CELF2: variants seen among roughly 807,000 people sequenced by gnomAD.
CELF2 encodes CUGBP Elav-like family member 2, also known as CUG triplet repeat RNA-binding protein 2.
Under a neutral mutation model 62.6 loss-of-function variants are expected in CELF2, and 8 were observed. The observed-to-expected ratio is 0.13, with a 90% CI of 0.07 to 0.23. The LOEUF (loss-of-function observed/expected upper bound fraction) is 0.23, where lower values mean the gene tolerates loss of function less well. CELF2 is among the 10% of genes least tolerant of loss of function. The pLI is 1.00. For missense variants in CELF2, 333 were observed against 671.0 expected (o/e 0.50, Z 5.56); for synonymous variants, 258 against 250.0 (o/e 1.03, Z -0.30).
intron 1 of CELF2, among the ~76,000 whole-genome samples, chr10:11,116,098 C>T (rs917990562): frequency 6.6e-6 from 1 of 152,176 alleles, no homozygotes; most frequent in Admixed American, 6.5e-5. Context: ...TTCGTAATTT[C>T]TCGATAAAAT....
At chr10:10,552,890 G>C in the CELF2 span, among the ~76,000 whole-genome samples, 1 of 152,194 alleles carries the variant, frequency 6.6e-6, no homozygotes, top group African/African-American at 2.4e-5. Context: ...GCGAGGGCAG[G>C]GTCCCAGCCA....
chr10:11,104,404 C>G (rs994192805), intron 1 of CELF2, among the ~76,000 whole-genome samples: 1 of 152,130 alleles, frequency 6.6e-6, no homozygotes, highest in African/African-American at 2.4e-5. Flanking sequence ...TAAGAAATAC[C>G]CTTGAGCAAA....
the CELF2 span, among the ~76,000 whole-genome samples, chr10:10,649,634 T>C: frequency 1.3e-5 from 2 of 152,200 alleles, no homozygotes; most frequent in East Asian, 1.9e-4. Context: ...CAAAAACCAG[T>C]AGATTTTAAG....
At chr10:11,320,172 G>A (rs2095349063) in intron 10 of CELF2, among the ~76,000 whole-genome samples, 1 of 152,216 alleles carries the variant, frequency 6.6e-6, no homozygotes, top group Non-Finnish European at 1.5e-5. Context: ...TGATATGAAA[G>A]TTAGCACTCT....
chr10:10,499,221 C>A, the CELF2 span, among the ~76,000 whole-genome samples: 1 of 151,966 alleles, frequency 6.6e-6, no homozygotes, highest in African/African-American at 2.4e-5. Flanking sequence ...CATGTGCCAC[C>A]TGCCTGGTTA....
chr10:11,039,126 G>A lies in CELF2; in HGVS notation c.74+20963G>A, dbSNP rs1199792430. Among the ~76,000 whole-genome samples the A allele has an allele frequency of 6.6e-6, 1 of 152,230 alleles. No homozygotes were observed. The highest frequency in any genetic ancestry group is 1.5e-5 in the Non-Finnish European group (1 of 68,030). On this transcript the variant is annotated intron_variant, in intron 1 of 12. Coordinates refer to ENST00000633077, the MANE Select transcript of CELF2 (RefSeq NM_001326342.2). The surrounding 1 kb of genome is among the most constrained non-coding windows in gnomAD (Gnocchi z 4.1). ...ACCATGTAACGGCGATAACAGCCGA[G>A]TCCTGTGTCAGCTCTCCTATTAGCG...
intron 4 of CELF2, among the ~76,000 whole-genome samples, chr10:11,250,030 A>G (rs185718632): frequency 6.6e-6 from 1 of 152,228 alleles, no homozygotes; most frequent in Non-Finnish European, 1.5e-5. Context: ...GGCAGAAGCC[A>G]TGCACTTAGA....
intron 1 of CELF2, among the ~76,000 whole-genome samples, chr10:11,054,210 G>A (rs547574815): frequency 7.2e-4 from 110 of 152,318 alleles, no homozygotes; most frequent in Non-Finnish European, 1.4e-3. Flanking sequence ...GCTGATGCCT[G>A]TTTGTATAGT....
At chr10:11,240,704 G>T (rs1156707371) in intron 3 of CELF2, among the ~76,000 whole-genome samples, 1 of 152,012 alleles carries the variant, frequency 6.6e-6, no homozygotes, top group African/African-American at 2.4e-5. Flanking sequence ...TTAAAACATT[G>T]TATGTGTATA....
chr10:10,531,318 A>C, the CELF2 span, among the ~76,000 whole-genome samples: 2 of 152,226 alleles, frequency 1.3e-5, no homozygotes, highest in Non-Finnish European at 2.9e-5. Context: ...TAGGTTTGAG[A>C]AATCTGTATT....
chr10:10,753,954 A>G, the CELF2 span, among the ~76,000 whole-genome samples: 49 of 152,278 alleles, frequency 3.2e-4, no homozygotes, highest in South Asian at 2.1e-3. Context: ...TCAACAGATC[A>G]AATGCATTGA....
chr10:10,713,940 C>T, the CELF2 span, among the ~76,000 whole-genome samples: 8 of 152,100 alleles, frequency 5.3e-5, no homozygotes, highest in Admixed American at 2.0e-4. Context: ...GAGGCTGAGG[C>T]AGGAGAATAG....
At chr10:10,577,172 G>A in the CELF2 span, among the ~76,000 whole-genome samples, 1 of 152,074 alleles carries the variant, frequency 6.6e-6, no homozygotes, top group African/African-American at 2.4e-5. Flanking sequence ...GAATATCTCA[G>A]GACACACAGA....
At chr10:10,462,938 T>G in the CELF2 span, among the ~76,000 whole-genome samples, 2 of 152,166 alleles carry the variant, frequency 1.3e-5, no homozygotes, top group Admixed American at 1.3e-4. Context: ...TTCTCCAAGT[T>G]ACTTCCTTCC....
At position 11,297,839 on chromosome 10, in the gene CELF2, G is replaced by A. The variant is rs2093346900; in HGVS notation, c.976+9287G>A. Among the ~76,000 whole-genome samples the A allele has an allele frequency of 6.6e-6, 1 of 151,774 alleles. No individual in the cohort carries two copies. The highest frequency in any genetic ancestry group is 2.4e-5 in the African/African-American group (1 of 41,282). Reference sequence around the variant, plus strand: ...ATACTAAAAATACAAAAATTAGCCGGGTATGGTGGTGCACACCTGTGGTTC... The same window carrying A: ...ATACTAAAAATACAAAAATTAGCCGAGTATGGTGGTGCACACCTGTGGTTC... On this transcript the variant is annotated intron_variant, in intron 9 of 12. Transcript: ENST00000633077. This position sits in a 1 kb window ranked among gnomAD's most constrained non-coding sequence, Gnocchi z 4.4.
intron 1 of CELF2, among the ~76,000 whole-genome samples, chr10:11,123,224 C>G (rs958200932): frequency 6.6e-6 from 1 of 152,116 alleles, no homozygotes; most frequent in East Asian, 1.9e-4. Flanking sequence ...GGTCCCAATT[C>G]TGAGTCAGGG....
chr10:11,305,127 C>T lies in CELF2; in HGVS notation c.977-9012C>T, dbSNP rs1048572580. 6.6e-6 allele frequency among the ~76,000 whole-genome samples: 1 copy of T among 152,178 alleles called. No homozygotes were observed. Among genetic ancestry groups the T allele is most frequent in the African/African-American group, 2.4e-5 (1 of 41,436 alleles). On this transcript the variant is annotated intron_variant, in intron 9 of 12. Coordinates refer to ENST00000633077, the MANE Select transcript of CELF2 (RefSeq NM_001326342.2). The surrounding 1 kb of genome is among the most constrained non-coding windows in gnomAD (Gnocchi z 4.8). ...AGTTCTACCAGTCTGATAGTCACCC[C>T]TCCTCCCACAGGAAATCCAAGGCTG...
At chr10:11,192,329 C>T (rs550365156) in intron 2 of CELF2, among the ~76,000 whole-genome samples, 1 of 152,230 alleles carries the variant, frequency 6.6e-6, no homozygotes, top group Non-Finnish European at 1.5e-5. Flanking sequence ...GGCATGGCCT[C>T]TTTTATTCTA....
rs117411057 is a variant in CELF2 at position 10,962,258 on chromosome 10, G to A, written c.89+42259G>A. On this transcript the variant is annotated intron_variant, in intron 2 of 13. Transcript: ENST00000636488. The stretch of plus-strand genomic sequence containing the variant: ...CAGCACCACAGCACCACATGGTAGA[G>A]GTTTCAGACAAAACCAAATGGGATG... Among the ~76,000 whole-genome samples, 14 of 152,336 alleles carry A rather than the reference G, an allele frequency of 9.2e-5. No individual in the cohort carries two copies. In the East Asian group the frequency reaches 2.3e-3, roughly 25 times the overall value.
Sources: gnomAD v4.1 joint callset for allele counts (sites outside exome capture counted in the v4.1 genomes callset) on GRCh38, gnomAD v4.1.1 for gene constraint, Gnocchi (gnomAD v3.1) non-coding constraint, MANE v1.5 for transcripts, NCBI Gene and HGNC (gene_info 2026-07-23, HGNC 2026-07-21) for gene names.